Variants in WDPCP observed in about 807,000 individuals in gnomAD.
The protein encoded by WDPCP is WD repeat-containing and planar cell polarity effector protein fritz homolog.
WDPCP carries 71 observed loss-of-function variants against 93.1 expected under a neutral mutation model. The ratio of observed to expected loss-of-function variants is 0.76; its 90% confidence interval spans 0.63 to 0.93. The LOEUF is 0.93. Among genes scored for constraint, WDPCP ranks in the 40% least tolerant of loss-of-function variants. The pLI, the probability that WDPCP is intolerant of heterozygous loss-of-function variation, is 0.00. For missense variants in WDPCP, 844 were observed against 887.4 expected, an observed-to-expected ratio of 0.95 and a Z score of 0.62; for synonymous variants, 315 against 315.0, an observed-to-expected ratio of 1.00 and a Z score of 0.00.
At chr2:63,424,257 C>CGGGGGGG (rs1696085796) in intron 9 of WDPCP, among the ~76,000 whole-genome samples, 2 of 10,490 alleles carry the variant, frequency 1.9e-4, no homozygotes, top group African/African-American at 4.8e-4. Context: ...GTGTTGGGGG[C>CGGGGGGG]GGGGGTGGGA....
chr2:63,198,007 T>C (rs1445510619), intron 14 of WDPCP, among the ~76,000 whole-genome samples: 1 of 152,234 alleles, frequency 6.6e-6, no homozygotes, highest in African/African-American at 2.4e-5. Flanking sequence ...TGCTCATTTT[T>C]AGGAAGGGTT....
intron 1 of WDPCP, among the ~76,000 whole-genome samples, chr2:63,515,596 CA>C (rs1182966994): frequency 6.6e-6 from 1 of 152,168 alleles, no homozygotes; most frequent in Non-Finnish European, 1.5e-5. Flanking sequence ...TAAATCTTGG[CA>C]AATTTGGAAA....
intron 12 of WDPCP, among the ~76,000 whole-genome samples, chr2:63,368,407 C>G (rs1216423230): frequency 6.6e-6 from 1 of 151,878 alleles, no homozygotes; most frequent in Non-Finnish European, 1.5e-5. Context: ...CTCACTGCAG[C>G]CTCCACCTCC....
chr2:63,158,973 C>CAAAAA (rs34001322), intron 15 of WDPCP, among the ~76,000 whole-genome samples: 4 of 61,140 alleles, frequency 6.5e-5, no homozygotes, highest in African/African-American at 8.7e-5. Context: ...CTCATCTCTA[C>CAAAAA]AAAAAAAAAA....
chr2:63,599,130 A>G lies in WDPCP; in HGVS notation n.488+51529T>C. On this transcript the variant is annotated intron_variant and non_coding_transcript_variant, in intron 3 of 4. Coordinates refer to the WDPCP transcript ENST00000467687. Reference sequence around the variant, plus strand: ...TTTTAACATAGATTAGTTAGTAACTATATAGTCTGTAACTCTTCAGTGCCT... The same window carrying G: ...TTTTAACATAGATTAGTTAGTAACTGTATAGTCTGTAACTCTTCAGTGCCT... The G allele has an allele frequency of 3.1e-6, 5 of 1,602,850 alleles. No homozygotes were observed. The South Asian group carries it at 3.4e-5, about 11-fold the overall frequency.
chr2:63,365,317 T>C (rs1277559777), intron 12 of WDPCP, among the ~76,000 whole-genome samples: 2 of 152,306 alleles, frequency 1.3e-5, no homozygotes, highest in East Asian at 3.9e-4. Flanking sequence ...TTCTGCTGTA[T>C]GTAACCCCAA....
intron 1 of WDPCP, among the ~76,000 whole-genome samples, chr2:63,584,265 A>T: frequency 6.6e-6 from 1 of 152,170 alleles, no homozygotes; most frequent in African/African-American, 2.4e-5. Flanking sequence ...CTCCTCCCCA[A>T]GCAACCACTA....
intron 12 of WDPCP, among the ~76,000 whole-genome samples, chr2:63,358,958 C>T (rs889481270): frequency 5.9e-5 from 9 of 152,148 alleles, no homozygotes; most frequent in African/African-American, 2.2e-4. Context: ...TATACTTAGA[C>T]TTGACATATT....
intron 2 of WDPCP, among the ~76,000 whole-genome samples, chr2:63,741,645 C>T (rs1391495317): frequency 6.6e-6 from 1 of 151,856 alleles, no homozygotes; most frequent in Non-Finnish European, 1.5e-5. Flanking sequence ...TCATTTGCCA[C>T]TTTTAATCAG....
chr2:63,443,495 T>C (rs1697640717), intron 6 of WDPCP, among the ~76,000 whole-genome samples: 1 of 152,158 alleles, frequency 6.6e-6, no homozygotes, highest in Admixed American at 6.5e-5. Flanking sequence ...CCTAGGCTGA[T>C]TGAAGAAAGC....
At chr2:63,714,228 A>T (rs1303716266) in intron 2 of WDPCP, among the ~76,000 whole-genome samples, 1 of 151,336 alleles carries the variant, frequency 6.6e-6, no homozygotes, top group Admixed American at 6.6e-5. Context: ...GCTAGTTTTT[A>T]AAAATATTTT....
chr2:63,459,558 T>C (rs550297490), intron 6 of WDPCP, among the ~76,000 whole-genome samples: 1 of 152,298 alleles, frequency 6.6e-6, no homozygotes, highest in African/African-American at 2.4e-5. Flanking sequence ...GGAACTCTTA[T>C]ATACTGTTGG....
intron 3 of WDPCP, among the ~76,000 whole-genome samples, chr2:63,615,238 C>T (rs927420043): frequency 2.0e-5 from 3 of 152,162 alleles, no homozygotes; most frequent in Admixed American, 6.5e-5. Context: ...CACATACATA[C>T]GGTGGATCCC....
At chr2:63,561,639 G>T (rs905266084) in intron 1 of WDPCP, among the ~76,000 whole-genome samples, 2 of 151,970 alleles carry the variant, frequency 1.3e-5, no homozygotes, top group Admixed American at 1.3e-4. Context: ...TCTGACAAAG[G>T]TCTAATATCT....
intron 12 of WDPCP, among the ~76,000 whole-genome samples, chr2:63,313,865 T>TAG (rs1686382010): frequency 7.0e-5 from 3 of 42,772 alleles, no homozygotes; most frequent in Non-Finnish European, 1.6e-4. Context: ...TATATATATA[T>TAG]ATATATATAT....
At chr2:63,677,887 G>T (rs988698528) in intron 2 of WDPCP, among the ~76,000 whole-genome samples, 1 of 152,082 alleles carries the variant, frequency 6.6e-6, no homozygotes, top group East Asian at 1.9e-4. Flanking sequence ...CATGAATATT[G>T]CCTGTATATA....
intron 3 of WDPCP, chr2:63,606,870 C>T (rs765499267): frequency 4.0e-5 from 65 of 1,610,304 alleles, no homozygotes; most frequent in Non-Finnish European, 5.4e-5. Context: ...AGAATAAGAC[C>T]TGGAAGTTTG....
chr2:63,223,512 G>A (rs1371963906), intron 14 of WDPCP, among the ~76,000 whole-genome samples: 1 of 152,110 alleles, frequency 6.6e-6, no homozygotes, highest in African/African-American at 2.4e-5. Context: ...GTGCTTTTCT[G>A]TGGAGCTTAC....
upstream of WDPCP, among the ~76,000 whole-genome samples, chr2:63,591,326 G>C (rs1709197899): frequency 6.6e-6 from 1 of 152,178 alleles, no homozygotes; most frequent in Admixed American, 6.5e-5. Context: ...TTCTTTCTCT[G>C]TTTCATCTTC....
Sources: gnomAD v4.1 joint callset for allele counts (sites outside exome capture counted in the v4.1 genomes callset) on GRCh38, gnomAD v4.1.1 for gene constraint, MANE v1.5 for transcripts, NCBI Gene and HGNC (gene_info 2026-07-23, HGNC 2026-07-21) for gene names.